Variants in SRP19 observed in about 807,000 individuals in gnomAD.
The protein encoded by SRP19 is signal recognition particle 19.
In SRP19, 11 loss-of-function variants were observed where a neutral mutation model predicts 22.4. The ratio of observed to expected loss-of-function variants is 0.49; its 90% CI spans 0.31 to 0.81. SRP19 has a LOEUF of 0.81. Ranked by LOEUF, SRP19 falls within the 40% of genes least tolerant of loss-of-function variation. The pLI is 0.05. For missense variants in SRP19, 168 were observed against 175.9 expected, an observed-to-expected ratio of 0.96 and a Z score of 0.25; for synonymous variants, 61 against 57.6, an observed-to-expected ratio of 1.06 and a Z score of -0.27.
At chr5:112,877,838 TAA>T (rs1767944057) in intron 4 of SRP19, 2 of 152,210 alleles carry the variant, frequency 1.3e-5, no homozygotes, top group Non-Finnish European at 2.9e-5. Flanking sequence ...GAAAGAAGAC[TAA>T]ATCAACATGT....
Position 112,887,012 on chromosome 5 carries a change from T to C in SRP19, c.302-4591T>C, listed in dbSNP as rs748486051. The C allele has an allele frequency of 3.3e-5, 53 of 1,595,496 alleles. No individual in the cohort carries two copies. The South Asian group carries it at 4.9e-4, about 15-fold the overall frequency. ...GTGGGGCCATCTTGTTCCTGAGTCT[T>C]ACCTTCTTTAGTGATGGCATCTGCA... On this transcript the variant is annotated intron_variant, in intron 4 of 4. Transcript: ENST00000391338.
intron 4 of SRP19, chr5:112,887,259 C>T: frequency 7.5e-7 from 1 of 1,333,726 alleles, no homozygotes; most frequent in African/African-American, 1.4e-5. Context: ...CTGTCTTTCA[C>T]TACTCTGGGG....
exon 5 of SRP19, chr5:112,891,962 A>G (rs1226569208): frequency 2.4e-6 from 3 of 1,242,214 alleles, no homozygotes; most frequent in Non-Finnish European, 3.6e-6. Context: ...CTAGAAGAAC[A>G]AGAGAGAAAG....
intron 4 of SRP19, chr5:112,878,570 A>G (rs1767966739): frequency 1.7e-6 from 1 of 583,206 alleles, no homozygotes; most frequent in East Asian, 3.0e-5. Flanking sequence ...ATTTTCCAAA[A>G]ACGTGGACAC....
Position 112,864,600 on chromosome 5 carries a change from CT to C in SRP19, c.190-17del. The C allele has an allele frequency of 6.2e-7, 1 of 1,612,360 alleles. No individual in the cohort carries two copies. Among genetic ancestry groups the C allele is most frequent in the Non-Finnish European group, 8.5e-7 (1 of 1,178,828 alleles). On this transcript the variant is annotated intron_variant, in intron 3 of 4. Coordinates refer to ENST00000505459, the MANE Select transcript of SRP19 (RefSeq NM_003135.3). ...AATAACTTTCTTAAGTCCTGTTTTT[CT>C]TTTGTTTCGTTTATGTTAGAAAAAT...
At chr5:112,880,461 A>C (rs536928450) in intron 4 of SRP19, among the ~76,000 whole-genome samples, 46 of 142,100 alleles carry the variant, frequency 3.2e-4, no homozygotes, top group Non-Finnish European at 2.8e-4. Flanking sequence ...ATGAGAGCCA[A>C]GGAGTCCCTT....
intron 4 of SRP19, among the ~76,000 whole-genome samples, chr5:112,865,720 A>T (rs889990790): frequency 6.6e-6 from 1 of 152,032 alleles, no homozygotes; most frequent in African/African-American, 2.4e-5. Flanking sequence ...CAGCCTCCCA[A>T]GTAGCTGGGA....
chr5:112,862,047 C>G (rs1260674001), intron 1 of SRP19, among the ~76,000 whole-genome samples: 3 of 152,194 alleles, frequency 2.0e-5, no homozygotes, highest in Admixed American at 6.5e-5. Context: ...TACTTGTTAT[C>G]TGTTGAGTGT....
At chr5:112,862,329 G>A (rs1406251581) in intron 1 of SRP19, 179 bp from the exon 2 acceptor site, 9 of 660,268 alleles carry the variant, frequency 1.4e-5, no homozygotes, top group Non-Finnish European at 2.2e-5. Flanking sequence ...GTTGCTCGAG[G>A]GGACCACTCC....
chr5:112,868,243 A>AT lies in SRP19; in HGVS notation c.*707dup. On this transcript the variant is annotated 3_prime_UTR_variant, in exon 5 of 5. Coordinates refer to ENST00000505459, the MANE Select transcript of SRP19 (RefSeq NM_003135.3). ...CTTGAGGTACACTTTCCTTCAACAA[A>AT]TGAAATTGGATTGGTGCTCCAGAAT... The AT allele has an allele frequency of 5.1e-6, 5 of 985,490 alleles. No individual in the cohort carries two copies. The highest frequency in any genetic ancestry group is 6.0e-6 in the Non-Finnish European group (5 of 829,968). 61.0% of individuals were successfully genotyped at this position (985,490 alleles called of 1,614,324 possible).
intron 1 of SRP19, chr5:112,862,249 G>A (rs1767427757): frequency 3.7e-6 from 2 of 538,474 alleles, no homozygotes; most frequent in African/African-American, 1.9e-5. Context: ...CCATTGACCT[G>A]TGCCAGTCTG....
intron 4 of SRP19, among the ~76,000 whole-genome samples, chr5:112,879,261 C>T (rs191294071): frequency 6.7e-4 from 93 of 138,904 alleles, no homozygotes; most frequent in African/African-American, 2.3e-3. Flanking sequence ...TATCCCATGG[C>T]GACAAATCAG....
At chr5:112,889,321 A>G (rs1406761780) in intron 4 of SRP19, among the ~76,000 whole-genome samples, 3 of 150,894 alleles carry the variant, frequency 2.0e-5, no homozygotes, top group Non-Finnish European at 4.4e-5. Context: ...AAACATACCT[A>G]CAACAAAACC....
chr5:112,867,339 C>A, intron 4 of SRP19, 65 bp from the exon 5 acceptor site: 2 of 1,544,888 alleles, frequency 1.3e-6, no homozygotes, highest in Non-Finnish European at 1.8e-6. Flanking sequence ...TTGTGATATT[C>A]AATTTGATGA....
At chr5:112,862,445 C>A in intron 1 of SRP19, 63 bp from the exon 2 acceptor site, 1 of 1,475,888 alleles carries the variant, frequency 6.8e-7, no homozygotes, top group Non-Finnish European at 9.5e-7. Context: ...TCCCTGCCAC[C>A]CGACCCTTTT....
Position 112,878,769 on chromosome 5 carries a change from T to G in SRP19, c.302-12834T>G, listed in dbSNP as rs540219600. 20 of 1,614,046 alleles carry G rather than the reference T, an allele frequency of 1.2e-5. No homozygotes were observed. In the South Asian group the frequency reaches 1.3e-4, roughly 11 times the overall value. Reference sequence around the variant, plus strand: ...AGGAAGGTACAGAGAGGGCAGGAAGTTTCCATCCAGTCTGGTTTAGGTGCT... The same window carrying G: ...AGGAAGGTACAGAGAGGGCAGGAAGGTTCCATCCAGTCTGGTTTAGGTGCT... On this transcript the variant is annotated intron_variant, in intron 4 of 4. Coordinates refer to the SRP19 transcript ENST00000391338.
chr5:112,888,010 T>C (rs1490705641), intron 4 of SRP19, among the ~76,000 whole-genome samples: 1 of 152,214 alleles, frequency 6.6e-6, no homozygotes, highest in Non-Finnish European at 1.5e-5. Flanking sequence ...ATAAACAATA[T>C]ACTGAGTTAT....
chr5:112,874,450 G>A (rs1290713216), downstream of SRP19, among the ~76,000 whole-genome samples: 1 of 152,154 alleles, frequency 6.6e-6, no homozygotes, highest in Non-Finnish European at 1.5e-5. Flanking sequence ...AAAGCATACT[G>A]GCACCTGGGT....
chr5:112,897,409 GGAC>G (rs1160452353), downstream of SRP19: 2 of 148,154 alleles, frequency 1.3e-5, no homozygotes, highest in African/African-American at 5.0e-5. Flanking sequence ...GTAAACAGTA[GGAC>G]AACAAGGACT....
Sources: gnomAD v4.1 joint callset for allele counts (sites outside exome capture counted in the v4.1 genomes callset) on GRCh38, gnomAD v4.1.1 for gene constraint, MANE v1.5 for transcripts, NCBI Gene and HGNC (gene_info 2026-07-23, HGNC 2026-07-21) for gene names.